GNPAT: variants seen among roughly 807,000 people sequenced by gnomAD.
GNPAT encodes the protein dihydroxyacetone phosphate acyltransferase.
GNPAT carries 30 observed loss-of-function variants against 78.4 expected under a neutral mutation model. The ratio of observed to expected loss-of-function variants is 0.38; its 90% CI spans 0.29 to 0.52. The LOEUF (loss-of-function observed/expected upper bound fraction) is 0.52. Among genes scored for constraint, GNPAT ranks in the 20% least tolerant of loss-of-function variants. The pLI, the probability that GNPAT is intolerant of heterozygous loss-of-function variation, is 0.84. For missense variants in GNPAT, 714 were observed against 812.2 expected (o/e 0.88, Z 1.47); for synonymous variants, 271 against 281.1 (o/e 0.96, Z 0.36).
chr1:231,261,186 ATGTCC>A (rs1028666674), intron 3 of GNPAT, among the ~76,000 whole-genome samples: 22 of 152,228 alleles, frequency 1.4e-4, no homozygotes, highest in Admixed American at 1.1e-3. Context: ...TGTCCCAGTC[ATGTCC>A]TGTCTAGCTA....
intron 1 of GNPAT, among the ~76,000 whole-genome samples, chr1:231,246,228 C>T (rs1440494784): frequency 6.6e-6 from 1 of 152,146 alleles, no homozygotes; most frequent in African/African-American, 2.4e-5. Context: ...GCGTATATCC[C>T]ACAAAAATTG....
At chr1:231,253,120 C>T (rs563504463) in intron 2 of GNPAT, among the ~76,000 whole-genome samples, 19 of 152,304 alleles carry the variant, frequency 1.2e-4, no homozygotes, top group Admixed American at 6.5e-4. Context: ...AGGCACCAGC[C>T]GCCACGCCCG....
Position 231,277,537 on chromosome 1 carries a change from C to A in GNPAT, c.2038C>A (p.Leu680Ile), listed in dbSNP as rs2102830513. Residue 680 changes from leucine to isoleucine, a missense_variant, in exon 16 of 16, where the codon CTT (leucine) becomes ATT (isoleucine). Physicochemically the swap from Leu to Ile is conservative, Grantham distance 5 (BLOSUM62 2). Transcript: ENST00000366647. ...TPIGKPATAK[L>I] ...AATAGGAAAACCAGCCACTGCAAAA[C>A]TTTAATAATCAACAAATAGTTATGG... is the stretch of plus-strand genomic sequence containing the variant. The A allele has an allele frequency of 1.9e-6, 3 of 1,568,618 alleles. No homozygotes were observed. The East Asian group carries it at 6.7e-5, about 35-fold the overall frequency.
intron 2 of GNPAT, among the ~76,000 whole-genome samples, chr1:231,252,516 C>T (rs1415004460): frequency 6.6e-6 from 1 of 152,152 alleles, no homozygotes; most frequent in Non-Finnish European, 1.5e-5. Context: ...TAAATGGATG[C>T]ATTGCAGGTG....
At chr1:231,242,160 T>C (rs556021516) in intron 1 of GNPAT, among the ~76,000 whole-genome samples, 1 of 152,310 alleles carries the variant, frequency 6.6e-6, no homozygotes, top group African/African-American at 2.4e-5. Context: ...GAAGAAATTA[T>C]GAGATGGGAG....
At chr1:231,248,464 C>T (rs1391775620) in intron 1 of GNPAT, among the ~76,000 whole-genome samples, 1 of 151,758 alleles carries the variant, frequency 6.6e-6, no homozygotes, top group Non-Finnish European at 1.5e-5. Context: ...CGTGGTGGTT[C>T]ACGCCTGTAA....
chr1:231,262,022 C>A (rs569415766), intron 3 of GNPAT, among the ~76,000 whole-genome samples: 84 of 152,258 alleles, frequency 5.5e-4, no homozygotes, highest in Non-Finnish European at 7.3e-4. Context: ...GATTACCTGG[C>A]CTCTGTTACA....
chr1:231,246,359 T>C (rs1211618580), intron 1 of GNPAT, among the ~76,000 whole-genome samples: 19 of 152,240 alleles, frequency 1.2e-4, no homozygotes, highest in Admixed American at 1.2e-3. Flanking sequence ...TGTCTTTCCA[T>C]AAGGACACGT....
chr1:231,253,726 A>C (rs1246582224), intron 2 of GNPAT, among the ~76,000 whole-genome samples: 1 of 152,258 alleles, frequency 6.6e-6, no homozygotes, highest in Non-Finnish European at 1.5e-5. Flanking sequence ...GAACTTTTGC[A>C]AAAGTTACTA....
intron 8 of GNPAT, 57 bp downstream of exon 8, chr1:231,266,464 G>A: frequency 7.0e-7 from 1 of 1,419,302 alleles, no homozygotes; most frequent in Non-Finnish European, 1.0e-6. Context: ...CCAAAGGTGT[G>A]AGTTGCAATG....
intron 2 of GNPAT, among the ~76,000 whole-genome samples, chr1:231,255,764 A>G (rs1365533197): frequency 2.0e-5 from 3 of 152,038 alleles, no homozygotes; most frequent in Non-Finnish European, 4.4e-5. Flanking sequence ...CATGCTTACC[A>G]TCACACCTCC....
intron 1 of GNPAT, among the ~76,000 whole-genome samples, chr1:231,245,976 A>T (rs1337930610): frequency 6.6e-6 from 1 of 152,256 alleles, no homozygotes; most frequent in African/African-American, 2.4e-5. Flanking sequence ...TCTCAAAAAA[A>T]AAAATTAAAT....
intron 15 of GNPAT, 133 bp from the exon 16 acceptor site, chr1:231,277,366 T>C (rs1685746665): frequency 1.5e-5 from 11 of 710,682 alleles, no homozygotes; most frequent in Middle Eastern, 3.9e-4. Context: ...GGCGTCCCCA[T>C]GGGTACTGGC....
intron 4 of GNPAT, among the ~76,000 whole-genome samples, chr1:231,263,712 A>G (rs1685290227): frequency 6.6e-6 from 1 of 151,950 alleles, no homozygotes; most frequent in Non-Finnish European, 1.5e-5. Flanking sequence ...TTCCCACCAA[A>G]AGTGCACAAG....
chr1:231,258,663 G>A (rs1489877804), intron 2 of GNPAT, among the ~76,000 whole-genome samples: 5 of 108,482 alleles, frequency 4.6e-5, no homozygotes, highest in East Asian at 2.8e-4. Flanking sequence ...ACAGAGTCTC[G>A]CTCTGTCGCC....
intron 9 of GNPAT, among the ~76,000 whole-genome samples, chr1:231,269,404 T>G (rs1342154964): frequency 1.3e-5 from 2 of 152,000 alleles, no homozygotes; most frequent in Non-Finnish European, 1.5e-5. Flanking sequence ...CCCCGCCTCC[T>G]CCCCACCATC....
chr1:231,272,560 G>A (rs1486348151), intron 11 of GNPAT, among the ~76,000 whole-genome samples, 169 bp downstream of exon 11: 1 of 152,196 alleles, frequency 6.6e-6, no homozygotes, highest in East Asian at 1.9e-4. Context: ...ACTCTAGTTT[G>A]ATTCTTGATC....
chr1:231,242,255 T>C lies in GNPAT; in HGVS notation c.78+799T>C, dbSNP rs538441425. Among the ~76,000 whole-genome samples the C allele has an allele frequency of 3.3e-5, 5 of 152,276 alleles. No individual in the cohort carries two copies. The South Asian group carries it at 1.0e-3, about 32-fold the overall frequency. On this transcript the variant is annotated intron_variant, in intron 1 of 15. Coordinates refer to ENST00000366647, the MANE Select transcript of GNPAT (RefSeq NM_014236.4). ...TTGTTGTTTTTAACCACTAAATTAGTTTTTAGCTACTTTAGGAGAAAATGA... is the reference window on the plus strand; with the variant it reads ...TTGTTGTTTTTAACCACTAAATTAGCTTTTAGCTACTTTAGGAGAAAATGA...
In GNPAT at chr1:231,265,324, G is replaced by A. The variant is rs2102817648; in HGVS notation, c.600G>A (p.Leu200=). Residue 200 remains leucine (L), a synonymous_variant, in exon 5 of 16, where the codon CTG becomes CTA. Coordinates refer to ENST00000366647, the MANE Select transcript of GNPAT (RefSeq NM_014236.4). ...TGGGAATGAAAATGGTTGGTGAGCT[G>A]CTACGAATGTCGGGTGCCTTTTTCA... is the stretch of plus-strand genomic sequence containing the variant. ...DFLGMKMVGE[L]LRMSGAFFMR... 6.2e-7 allele frequency: 1 copy of A among 1,612,158 alleles called. No individual in the cohort carries two copies. Among genetic ancestry groups the A allele is most frequent in the East Asian group, 2.2e-5 (1 of 44,878 alleles).
Sources: allele counts gnomAD v4.1 joint callset (sites outside exome capture counted in the v4.1 genomes callset), GRCh38; gene constraint gnomAD v4.1.1; transcripts MANE v1.5; gene names NCBI Gene and HGNC (gene_info 2026-07-23, HGNC 2026-07-21).